CDC42BPB: variants seen among roughly 807,000 people sequenced by gnomAD.
CDC42BPB encodes serine/threonine-protein kinase MRCK beta.
Under a neutral mutation model 214.9 loss-of-function variants are expected in CDC42BPB, and 37 were observed. The observed-to-expected ratio is 0.17, with a 90% CI of 0.13 to 0.23. The LOEUF (loss-of-function observed/expected upper bound fraction) is 0.23, where lower values mean the gene tolerates loss of function less well. Ranked by LOEUF, CDC42BPB falls within the 10% of genes least tolerant of loss-of-function variation. The pLI is 1.00. For missense variants in CDC42BPB, 1,694 were observed against 2,227.0 expected, an observed-to-expected ratio of 0.76 and a Z score of 4.82; for synonymous variants, 931 against 884.0, an observed-to-expected ratio of 1.05 and a Z score of -0.94.
chr14:102,980,845 A>C lies in CDC42BPB; in HGVS notation c.1068T>G (p.Pro356=), dbSNP rs560653138. ...AGGGACTGCTCACATCAGGAATATA[A>C]GGTGCTTCTAGGTTTCGTATATTTT... ...NWENIRNLEA[P]YIPDVSSPSD... is the part of the protein sequence containing the mutation. The change falls in exon 8 of 37, where the codon CCT becomes CCG. Residue 356 remains proline, a synonymous_variant. Transcript: ENST00000361246. 7 of 1,614,078 alleles carry C rather than the reference A, an allele frequency of 4.3e-6. No individual in the cohort carries two copies. The highest frequency in any genetic ancestry group is 1.7e-5 in the Admixed American group (1 of 60,000).
At chr14:103,006,011 G>A (rs1210429482) in intron 3 of CDC42BPB, among the ~76,000 whole-genome samples, 2 of 123,996 alleles carry the variant, frequency 1.6e-5, no homozygotes, top group Non-Finnish European at 1.6e-5. Flanking sequence ...AGGGAGAGAC[G>A]TCTCAAAAAA....
intron 1 of CDC42BPB, among the ~76,000 whole-genome samples, chr14:103,048,964 A>C (rs915782798): frequency 6.6e-6 from 1 of 152,206 alleles, no homozygotes; most frequent in African/African-American, 2.4e-5. Context: ...TTCCCTTAGT[A>C]AACTGTATCT....
intron 17 of CDC42BPB, 59 bp downstream of exon 17, chr14:102,966,987 A>C: frequency 6.4e-7 from 1 of 1,574,364 alleles, no homozygotes; most frequent in Non-Finnish European, 8.7e-7. Context: ...GAGGCGGGGC[A>C]GACCCCATGG....
chr14:102,968,695 C>T lies in CDC42BPB; in HGVS notation c.2017G>A (p.Ala673Thr). 1 of 1,614,038 alleles carries T rather than the reference C, an allele frequency of 6.2e-7. No homozygotes were observed. Among genetic ancestry groups the T allele is most frequent in the Non-Finnish European group, 8.5e-7 (1 of 1,180,024 alleles). ...TGCTGGTGCTCTAAGGTGGCACCCG[C>T]TCCCCGGCCTCCTTGCTTCACCTGA... Reference protein sequence around the residue: ...ALKVKQGGRGAGATLEHQQEI... With the variant: ...ALKVKQGGRGTGATLEHQQEI... The change falls in exon 15 of 37, where the codon GCG (alanine) becomes ACG (threonine). Residue 673 changes from alanine to threonine, a missense_variant. By Grantham distance (58) the Ala-to-Thr change is moderately conservative. Coordinates refer to ENST00000361246, the MANE Select transcript of CDC42BPB (RefSeq NM_006035.4).
rs1893963051 is a variant in CDC42BPB at position 102,980,797 on chromosome 14, C to G, written c.1116G>C (p.Val372=). 6.2e-7 allele frequency: 1 copy of G among 1,614,054 alleles called. No homozygotes were observed. The highest frequency in any genetic ancestry group is 1.3e-5 in the African/African-American group (1 of 74,934). ...SSPSDTSNFD[V]DDDVLRNTEI... Reference sequence around the variant, plus strand: ...CCGTGTTTCTCAGCACGTCGTCATCCACGTCGAAGTTGGATGTGTCAGAGG... The same window carrying G: ...CCGTGTTTCTCAGCACGTCGTCATCGACGTCGAAGTTGGATGTGTCAGAGG... The change falls in exon 8 of 37, where the codon GTG becomes GTC. Residue 372 remains valine (V), a synonymous_variant. Transcript: ENST00000361246.
At chr14:103,032,544 A>C (rs1887442936) in intron 1 of CDC42BPB, among the ~76,000 whole-genome samples, 1 of 151,166 alleles carries the variant, frequency 6.6e-6, no homozygotes, top group African/African-American at 2.4e-5. Flanking sequence ...GCAAAAAAAA[A>C]AAAAAAAAAA....
intron 29 of CDC42BPB, chr14:102,945,316 G>T (rs886210893): frequency 2.1e-6 from 1 of 469,692 alleles, no homozygotes; most frequent in South Asian, 1.6e-5. Flanking sequence ...GCCCTTCCTC[G>T]CTGGGAAGAC....
At chr14:102,994,766 T>C (rs34217945) in intron 5 of CDC42BPB, among the ~76,000 whole-genome samples, 2,818 of 152,314 alleles carry the variant, frequency 0.019, 33 homozygotes, top group Non-Finnish European at 0.029. Flanking sequence ...CCTCTGACAC[T>C]GAAAAGGGAG....
chr14:103,012,973 T>C (rs762125370), intron 1 of CDC42BPB, among the ~76,000 whole-genome samples: 6 of 152,252 alleles, frequency 3.9e-5, no homozygotes, highest in Non-Finnish European at 8.8e-5. Context: ...GACGTGCTGT[T>C]GTCATGTTCG....
intron 24 of CDC42BPB, among the ~76,000 whole-genome samples, chr14:102,952,234 G>A (rs534113306): frequency 6.6e-6 from 1 of 152,292 alleles, no homozygotes; most frequent in East Asian, 1.9e-4. Context: ...GTGTGTGTCT[G>A]AGGTCTCAAC....
intron 35 of CDC42BPB, 35 bp from the exon 36 acceptor site, chr14:102,938,209 A>C (rs1223379069): frequency 6.2e-7 from 1 of 1,609,880 alleles, no homozygotes; most frequent in African/African-American, 1.3e-5. Flanking sequence ...CTTAGGGAGA[A>C]AGTCAAGAAC....
At chr14:102,990,742 T>A (rs916059460) in intron 5 of CDC42BPB, among the ~76,000 whole-genome samples, 1 of 152,152 alleles carries the variant, frequency 6.6e-6, no homozygotes, top group Admixed American at 6.5e-5. Context: ...AGGTATAGGA[T>A]GAGCCAGAAA....
chr14:102,944,763 C>CAG lies in CDC42BPB; in HGVS notation c.3812-277_3812-276insCT. ...TCCTCTGCCTCTGCTGCTGTGCACACCCCTCAGTGCACCAGGGCTCCAGCT... is the reference window on the plus strand; with the variant it reads ...TCCTCTGCCTCTGCTGCTGTGCACACAGCCCTCAGTGCACCAGGGCTCCAGCT... On this transcript the variant is annotated intron_variant, in intron 29 of 36. Coordinates refer to ENST00000361246, the MANE Select transcript of CDC42BPB (RefSeq NM_006035.4). This position sits in a 1 kb window ranked among gnomAD's most constrained non-coding sequence, Gnocchi z 6.6. The CAG allele has an allele frequency of 6.0e-6, 4 of 670,054 alleles. No homozygotes were observed. The highest frequency in any genetic ancestry group is 6.6e-5 in the South Asian group (1 of 15,266). The allele number at this position is 670,054 out of a possible 1,614,324, so 41.5% of individuals were successfully genotyped here.
chr14:102,938,241 C>T, intron 35 of CDC42BPB, 65 bp downstream of exon 35: 1 of 1,601,870 alleles, frequency 6.2e-7, no homozygotes, highest in Non-Finnish European at 8.5e-7. Context: ...CCTGGGGTCT[C>T]CCCATTCCAG....
At chr14:102,971,779 G>C in intron 13 of CDC42BPB, 140 bp downstream of exon 13, 1 of 784,176 alleles carries the variant, frequency 1.3e-6, no homozygotes, top group South Asian at 1.7e-5. Context: ...CAAAATAAAT[G>C]CTCGGCCGAT....
chr14:103,007,215 C>G (rs1018269973), intron 3 of CDC42BPB, among the ~76,000 whole-genome samples: 3 of 152,314 alleles, frequency 2.0e-5, no homozygotes, highest in South Asian at 4.1e-4. Flanking sequence ...ACTCTGTCAA[C>G]CAACACGCGT....
chr14:103,053,401 T>C (rs1378600834), intron 1 of CDC42BPB, among the ~76,000 whole-genome samples: 1 of 150,068 alleles, frequency 6.7e-6, no homozygotes, highest in Non-Finnish European at 1.5e-5. Flanking sequence ...GGCATTAAGG[T>C]TCAAGATTTC....
chr14:102,962,800 C>T (rs1401690211), intron 20 of CDC42BPB, among the ~76,000 whole-genome samples: 4 of 151,918 alleles, frequency 2.6e-5, no homozygotes, highest in Non-Finnish European at 4.4e-5. Context: ...TGCAGTGAGC[C>T]GAGATTGTGC....
intron 1 of CDC42BPB, among the ~76,000 whole-genome samples, chr14:103,045,418 C>T (rs1408467067): frequency 6.6e-6 from 1 of 152,176 alleles, no homozygotes; most frequent in Admixed American, 6.5e-5. Context: ...CAGCTGTGAA[C>T]AGCCCCACAT....
Sources: gnomAD v4.1 joint callset for allele counts (sites outside exome capture counted in the v4.1 genomes callset) on GRCh38, gnomAD v4.1.1 for gene constraint, Gnocchi (gnomAD v3.1) non-coding constraint, MANE v1.5 for transcripts, NCBI Gene and HGNC (gene_info 2026-07-23, HGNC 2026-07-21) for gene names.